The following ORC3 variants were observed in gnomAD, a reference collection of about 807,000 sequenced individuals.
ORC3 encodes the protein homolog of latheo, Drosophila.
Under a neutral mutation model 100.7 loss-of-function variants are expected in ORC3, and 78 were observed. The observed-to-expected ratio is 0.77, with a 90% CI of 0.65 to 0.94. The LOEUF (loss-of-function observed/expected upper bound fraction) is 0.94. Among genes scored for constraint, ORC3 ranks in the 40% least tolerant of loss-of-function variants. ORC3 has a pLI of 0.00. For missense variants in ORC3, 789 were observed against 823.9 expected, an observed-to-expected ratio of 0.96 and a Z score of 0.52; for synonymous variants, 295 against 289.3, an observed-to-expected ratio of 1.02 and a Z score of -0.20.
At chr6:87,643,564 G>A (rs1207282894) in intron 13 of ORC3, among the ~76,000 whole-genome samples, 1 of 152,162 alleles carries the variant, frequency 6.6e-6, no homozygotes, top group East Asian at 1.9e-4. Context: ...CTAATAGTGA[G>A]CTAATGGTTT....
chr6:87,651,379 G>C (rs1345172374), intron 13 of ORC3: 3 of 447,730 alleles, frequency 6.7e-6, no homozygotes, highest in Admixed American at 4.7e-5. Context: ...TTGTCTATTT[G>C]AATAGGCCTA....
intron 7 of ORC3, among the ~76,000 whole-genome samples, chr6:87,610,647 G>A (rs1179009932): frequency 1.2e-4 from 17 of 145,670 alleles, no homozygotes; most frequent in South Asian, 6.4e-4. Context: ...TCCGCTTCCC[G>A]GGTTCACGCC....
chr6:87,666,793 A>G (rs984392038), intron 19 of ORC3, among the ~76,000 whole-genome samples: 7 of 152,114 alleles, frequency 4.6e-5, no homozygotes, highest in Non-Finnish European at 8.8e-5. Flanking sequence ...AGCAATTTCC[A>G]TACTATGTAG....
At chr6:87,591,667 T>A (rs1418203025) in intron 1 of ORC3, among the ~76,000 whole-genome samples, 3 of 152,208 alleles carry the variant, frequency 2.0e-5, no homozygotes, top group African/African-American at 7.2e-5. Flanking sequence ...GGATGAGACC[T>A]TACATGAATA....
Position 87,665,830 on chromosome 6 carries a change from T to C in ORC3, c.2027T>C (p.Ile676Thr). 4 of 1,590,816 alleles carry C rather than the reference T, an allele frequency of 2.5e-6. No homozygotes were observed. Among genetic ancestry groups the C allele is most frequent in the Non-Finnish European group, 3.4e-6 (4 of 1,159,468 alleles). The part of the protein sequence containing the change: ...SATSEEMNEI[I>T]HARFIRAVSE... Reference sequence around the variant, plus strand: ...ACCTCAGAAGAAATGAATGAAATTATCCAGTATCCTTTTAAAACCATTTCT... The same window carrying C: ...ACCTCAGAAGAAATGAATGAAATTACCCAGTATCCTTTTAAAACCATTTCT... The change falls in exon 19 of 20, where the codon ATC (isoleucine) becomes ACC (threonine). Residue 676 changes from isoleucine (I) to threonine (T), a missense_variant. This residue lies in a region of ORC3 where 366 missense variants were observed against 394.2 expected (regional missense o/e 0.93). Transcript: ENST00000392844.
chr6:87,639,764 G>T (rs1490269797), intron 13 of ORC3, among the ~76,000 whole-genome samples: 4 of 148,304 alleles, frequency 2.7e-5, no homozygotes, highest in Non-Finnish European at 5.9e-5. Flanking sequence ...CGGATCACTT[G>T]AGCTCAAGAG....
downstream of ORC3, among the ~76,000 whole-genome samples, chr6:87,670,425 C>G (rs113218171): frequency 0.17 from 25,389 of 152,092 alleles, 2,231 homozygotes; most frequent in African/African-American, 0.22. Context: ...CTAGGCTTCC[C>G]AAAGTGCTGG....
chr6:87,601,643 G>A, intron 2 of ORC3, 141 bp from the exon 3 acceptor site: 1 of 590,222 alleles, frequency 1.7e-6, no homozygotes, highest in Non-Finnish European at 3.1e-6. Context: ...CTGCACTCCA[G>A]CCTGGGTGAC....
chr6:87,656,420 T>C (rs1245350621), intron 14 of ORC3, among the ~76,000 whole-genome samples: 1 of 152,048 alleles, frequency 6.6e-6, no homozygotes, highest in Non-Finnish European at 1.5e-5. Flanking sequence ...AAACCCCTTC[T>C]CTACTAAAAA....
At chr6:87,643,617 T>C (rs1768458706) in intron 13 of ORC3, among the ~76,000 whole-genome samples, 1 of 152,228 alleles carries the variant, frequency 6.6e-6, no homozygotes, top group African/African-American at 2.4e-5. Flanking sequence ...TTGTATTTTG[T>C]TTTTCTTTAT....
intron 3 of ORC3, among the ~76,000 whole-genome samples, chr6:87,602,972 CATATATATAT>C (rs55910908): frequency 0.013 from 794 of 62,872 alleles, 26 homozygotes; most frequent in African/African-American, 0.041. Context: ...TATATATATA[CATATATATAT>C]ACAATTTTTT....
At position 87,612,333 on chromosome 6, in the gene ORC3, C is replaced by T. The variant is rs576469891; in HGVS notation, c.873+85C>T. On this transcript the variant is annotated intron_variant, in intron 8 of 19. Coordinates refer to ENST00000392844, the MANE Select transcript of ORC3 (RefSeq NM_012381.4). ...TGTTAAGATAACTGTTAACAATAAG[C>T]CTCTACAACTCTCTGAGTACTATAT... 6.2e-6 allele frequency: 5 copies of T among 807,158 alleles called. No individual in the cohort carries two copies. In the South Asian group the frequency reaches 1.1e-4, roughly 17 times the overall value. 50.0% of individuals were successfully genotyped at this position (807,158 alleles called of 1,614,324 possible).
At chr6:87,675,960 T>C in the ORC3 span, 1 of 1,577,966 alleles carries the variant, frequency 6.3e-7, no homozygotes, top group Non-Finnish European at 8.6e-7. Context: ...GTCAATTACA[T>C]TTGTAAAATG....
intron 19 of ORC3, among the ~76,000 whole-genome samples, chr6:87,666,300 T>A (rs1465541942): frequency 9.9e-5 from 15 of 151,250 alleles, no homozygotes; most frequent in Admixed American, 9.3e-4. Context: ...CCCAGCTAAT[T>A]TTTGTATTTT....
At chr6:87,636,225 C>T (rs896025627) in intron 12 of ORC3, among the ~76,000 whole-genome samples, 182 bp from the exon 13 acceptor site, 3 of 152,186 alleles carry the variant, frequency 2.0e-5, no homozygotes, top group African/African-American at 7.2e-5. Context: ...AGCCACCGCG[C>T]CTGGCCGTAA....
intron 3 of ORC3, among the ~76,000 whole-genome samples, chr6:87,602,972 C>CATATATATAT (rs55910908): frequency 2.5e-4 from 16 of 62,846 alleles, no homozygotes; most frequent in Admixed American, 7.6e-4. Context: ...TATATATATA[C>CATATATATAT]ATATATATAT....
chr6:87,603,132 A>G (rs1045663902), intron 3 of ORC3, among the ~76,000 whole-genome samples: 17 of 151,054 alleles, frequency 1.1e-4, no homozygotes, highest in African/African-American at 4.1e-4. Flanking sequence ...GATGTGCACC[A>G]CTACACCCAG....
rs1401604058 is a variant in ORC3 at position 87,615,283 on chromosome 6, G to A, written c.874-1031G>A. Among the ~76,000 whole-genome samples the A allele has an allele frequency of 5.3e-5, 8 of 152,240 alleles. No individual in the cohort carries two copies. The South Asian group carries it at 6.2e-4, about 12-fold the overall frequency. On this transcript the variant is annotated intron_variant, in intron 8 of 19. Transcript: ENST00000392844. ...CCCATGATTCAGTTACCTCCCACCA[G>A]GTCCCTCCCACAGCACTTGGGAATT...
At chr6:87,626,084 T>C (rs1285947196) in intron 11 of ORC3, among the ~76,000 whole-genome samples, 3 of 152,252 alleles carry the variant, frequency 2.0e-5, no homozygotes, top group East Asian at 1.9e-4. Flanking sequence ...TTTTGGTTAC[T>C]GTAGCCTTGT....
Sources: gnomAD v4.1 joint callset for allele counts (sites outside exome capture counted in the v4.1 genomes callset) on GRCh38, gnomAD v4.1.1 for gene constraint, gnomAD v4.1.1 regional missense constraint, MANE v1.5 for transcripts, NCBI Gene and HGNC (gene_info 2026-07-23, HGNC 2026-07-21) for gene names.